PTGER3: variants seen among roughly 807,000 people sequenced by gnomAD.
The protein encoded by PTGER3 is prostaglandin E2 receptor EP3 subtype.
PTGER3 carries 22 observed loss-of-function variants against 34.7 expected under a neutral mutation model. That is an observed-to-expected ratio of 0.63 (90% confidence interval 0.45 to 0.91). The LOEUF (loss-of-function observed/expected upper bound fraction) is 0.91. Ranked by LOEUF, PTGER3 falls within the 40% of genes least tolerant of loss-of-function variation. The pLI, the probability that PTGER3 is intolerant of heterozygous loss-of-function variation, is 0.00. For missense variants in PTGER3, 468 were observed against 519.4 expected (o/e 0.90, Z 0.96); for synonymous variants, 241 against 230.1 (o/e 1.05, Z -0.43).
chr1:70,960,719 T>TA (rs1651847178), intron 2 of PTGER3, among the ~76,000 whole-genome samples: 1 of 152,026 alleles, frequency 6.6e-6, no homozygotes, highest in South Asian at 2.1e-4. Flanking sequence ...GTGGGAAAGT[T>TA]AAAAAGGGCC....
intron 2 of PTGER3, among the ~76,000 whole-genome samples, chr1:70,986,871 A>G (rs1035134329): frequency 1.3e-5 from 2 of 152,146 alleles, no homozygotes; most frequent in African/African-American, 4.8e-5. Flanking sequence ...AATATCTTCA[A>G]CCGCAAGATC....
At chr1:70,876,808 G>T (rs1646282477) in intron 4 of PTGER3, among the ~76,000 whole-genome samples, 1 of 152,060 alleles carries the variant, frequency 6.6e-6, no homozygotes, top group Non-Finnish European at 1.5e-5. Flanking sequence ...TGTTCTATTG[G>T]TCTATGTGTC....
chr1:71,007,867 A>G (rs924883203), intron 2 of PTGER3: 1 of 985,210 alleles, frequency 1.0e-6, no homozygotes, highest in Non-Finnish European at 1.2e-6. Flanking sequence ...ACAAATGATA[A>G]TAACTTGAGA....
intron 2 of PTGER3, among the ~76,000 whole-genome samples, chr1:70,981,081 A>G (rs907145696): frequency 2.9e-4 from 44 of 152,140 alleles, no homozygotes; most frequent in Non-Finnish European, 5.4e-4. Flanking sequence ...AGAATAGGCA[A>G]CTGTTAATAG....
At chr1:71,018,156 G>A (rs551945827) in intron 1 of PTGER3, among the ~76,000 whole-genome samples, 5 of 152,088 alleles carry the variant, frequency 3.3e-5, no homozygotes, top group Non-Finnish European at 2.9e-5. Context: ...AAACAAATAT[G>A]CCCACACACT....
intron 4 of PTGER3, among the ~76,000 whole-genome samples, chr1:70,928,338 A>G (rs1212422324): frequency 6.6e-6 from 1 of 151,342 alleles, no homozygotes; most frequent in Non-Finnish European, 1.5e-5. Context: ...GTTAGGGGGA[A>G]GAAATGAAGA....
intron 2 of PTGER3, 83 bp from the exon 3 acceptor site, chr1:70,974,471 C>T (rs1653484934): frequency 2.8e-6 from 2 of 725,122 alleles, no homozygotes; most frequent in Admixed American, 1.9e-5. Flanking sequence ...ATATCAAAGT[C>T]ACATTGGCTA....
chr1:70,904,412 T>C (rs10889898), intron 4 of PTGER3, among the ~76,000 whole-genome samples: 41,802 of 152,014 alleles, frequency 0.27, 6,303 homozygotes, highest in East Asian at 0.52. Flanking sequence ...TGGAGGGCTC[T>C]GAAGAAGACA....
intron 4 of PTGER3, among the ~76,000 whole-genome samples, chr1:70,901,610 G>C (rs1230465939): frequency 1.3e-5 from 2 of 152,166 alleles, no homozygotes; most frequent in Non-Finnish European, 2.9e-5. Flanking sequence ...AGCAAAGGCA[G>C]TACCTACCTT....
At chr1:70,878,047 G>A (rs1483925415) in intron 4 of PTGER3, among the ~76,000 whole-genome samples, 1 of 152,044 alleles carries the variant, frequency 6.6e-6, no homozygotes, top group African/African-American at 2.4e-5. Context: ...ACAAACCTAT[G>A]GATGTCATAG....
chr1:70,993,127 T>C (rs1655619054), intron 2 of PTGER3, among the ~76,000 whole-genome samples: 1 of 152,194 alleles, frequency 6.6e-6, no homozygotes, highest in Non-Finnish European at 1.5e-5. Context: ...TTCCAGATAT[T>C]CTCTTATGAA....
intron 4 of PTGER3, among the ~76,000 whole-genome samples, chr1:70,911,918 G>T (rs1218656863): frequency 6.6e-6 from 1 of 152,048 alleles, no homozygotes; most frequent in Non-Finnish European, 1.5e-5. Context: ...ACATTTTGTT[G>T]CAGACCTGTA....
At chr1:71,038,513 T>G (rs1191011556) in intron 1 of PTGER3, among the ~76,000 whole-genome samples, 3 of 152,230 alleles carry the variant, frequency 2.0e-5, no homozygotes, top group African/African-American at 7.2e-5. Context: ...CTCTTCCATT[T>G]CTGCTACCAT....
chr1:70,863,652 A>G (rs745525583), intron 4 of PTGER3, among the ~76,000 whole-genome samples: 12 of 152,176 alleles, frequency 7.9e-5, no homozygotes, highest in Non-Finnish European at 1.6e-4. Flanking sequence ...AATAGACTAG[A>G]ATAGAAAATA....
At chr1:71,025,015 G>A (rs977129309) in intron 1 of PTGER3, among the ~76,000 whole-genome samples, 2 of 151,108 alleles carry the variant, frequency 1.3e-5, no homozygotes, top group Non-Finnish European at 2.9e-5. Flanking sequence ...CCATTAACTC[G>A]TCATTTAACA....
chr1:70,894,276 TC>T (rs1235919986), intron 4 of PTGER3, among the ~76,000 whole-genome samples: 4 of 114,352 alleles, frequency 3.5e-5, no homozygotes, highest in Admixed American at 1.4e-4. Context: ...GCCATTGCAC[TC>T]CAGTCTGGGA....
intron 4 of PTGER3, among the ~76,000 whole-genome samples, chr1:70,943,855 A>AGAGAGAGGGAGAGG (rs1207055467): frequency 6.6e-6 from 1 of 151,408 alleles, no homozygotes; most frequent in East Asian, 1.9e-4. Flanking sequence ...AGGGAGAGAG[A>AGAGAGAGGGAGAGG]GAGAGAGAGA....
At chr1:70,973,610 C>T (rs368813730) in intron 3 of PTGER3, among the ~76,000 whole-genome samples, 15 of 152,034 alleles carry the variant, frequency 9.9e-5, no homozygotes, top group African/African-American at 2.2e-4. Flanking sequence ...CATGCTTTTT[C>T]GCTAAAATGA....
intron 4 of PTGER3, among the ~76,000 whole-genome samples, chr1:70,902,711 A>G (rs1248675630): frequency 6.6e-6 from 1 of 152,254 alleles, no homozygotes. Context: ...ATATTCAGAA[A>G]ACACCAGAAA....
Sources: gnomAD v4.1 joint callset for allele counts (sites outside exome capture counted in the v4.1 genomes callset) on GRCh38, gnomAD v4.1.1 for gene constraint, MANE v1.5 for transcripts, NCBI Gene and HGNC (gene_info 2026-07-23, HGNC 2026-07-21) for gene names.